PCDHAC2: variants seen among roughly 807,000 people sequenced by gnomAD.
The protein encoded by PCDHAC2 is protocadherin alpha subfamily C, 2.
PCDHAC2 carries 24 observed loss-of-function variants against 63.3 expected under a neutral mutation model. The observed-to-expected ratio is 0.38, with a 90% CI of 0.27 to 0.53. PCDHAC2 has a LOEUF of 0.53. Ranked by LOEUF, PCDHAC2 falls within the 20% of genes least tolerant of loss-of-function variation. PCDHAC2 has a pLI of 0.81. For missense variants in PCDHAC2, 1,181 were observed against 1,275.2 expected (o/e 0.93, Z 1.12); for synonymous variants, 569 against 529.4 (o/e 1.07, Z -1.03).
intron 1 of PCDHAC2, 142 bp from the exon 2 acceptor site, chr5:140,978,807 A>T (rs1489269679): frequency 6.7e-7 from 1 of 1,494,726 alleles, no homozygotes; most frequent in Non-Finnish European, 8.9e-7. Context: ...AGATATCATC[A>T]TAGAGTTACA....
rs371269236 is a variant in PCDHAC2, at chr5:141,009,740, G to A, written c.2827G>A (p.Asp943Asn). Residue 943 changes from aspartate to asparagine, a missense_variant, in exon 4 of 4, where the codon GAC becomes AAC. Asp to Asn is a conservative substitution (Grantham distance 23, BLOSUM62 1). This residue lies in a region of PCDHAC2 where 968 missense variants were observed against 1,073.5 expected (regional missense o/e 0.90). Coordinates refer to ENST00000289269, the MANE Select transcript of PCDHAC2 (RefSeq NM_018899.6). ...PKQSGPGELP[D>N]KFIIPGSPAI... ...ACAATCCGGTCCCGGTGAGTTGCCC[G>A]ACAAATTCATTATCCCAGGATCTCC... The A allele has an allele frequency of 1.8e-4, 293 of 1,613,962 alleles. No individual in the cohort carries two copies. Among genetic ancestry groups the A allele is most frequent in the East Asian group, 1.6e-3 (74 of 44,884 alleles).
Position 140,969,317 on chromosome 5 carries a change from G to C in PCDHAC2, c.2551G>C (p.Val851Leu). The part of the protein sequence containing the change: ...GNLIILKNEA[V>L]SQNEPRQPNP... ...CCTGATTATTCTCAAAAATGAGGCTGTTTCTCAAAATGAGGTGAGACAGTG... is the reference window on the plus strand; with the variant it reads ...CCTGATTATTCTCAAAAATGAGGCTCTTTCTCAAAATGAGGTGAGACAGTG... The change falls in exon 1 of 4, where the codon GTT becomes CTT. Residue 851 changes from valine to leucine, a missense_variant. This residue lies in a region of PCDHAC2 where 968 missense variants were observed against 1,073.5 expected (regional missense o/e 0.90). Coordinates refer to ENST00000289269, the MANE Select transcript of PCDHAC2 (RefSeq NM_018899.6). The C allele has an allele frequency of 6.2e-7, 1 of 1,614,156 alleles. No individual in the cohort carries two copies. Among genetic ancestry groups the C allele is most frequent in the African/African-American group, 1.3e-5 (1 of 75,052 alleles).
Position 140,998,902 on chromosome 5 carries a change from C to T in PCDHAC2, c.2714-10725C>T, listed in dbSNP as rs148715237. On this transcript the variant is annotated intron_variant, in intron 3 of 3. Coordinates refer to ENST00000289269, the MANE Select transcript of PCDHAC2 (RefSeq NM_018899.6). ...TTAGTTGAATAAATAACAATGCCTC[C>T]GGGAGGTAGCTATTATATCCATTTT... Among the ~76,000 whole-genome samples the T allele has an allele frequency of 4.2e-3, 632 of 152,216 alleles. 5 individuals are homozygous for T. Among genetic ancestry groups the T allele is most frequent in the African/African-American group, 0.014 (572 of 41,540 alleles).
rs2098413689 is a variant in PCDHAC2, at chr5:141,009,672, A to G, written c.2759A>G (p.Asn920Ser). Residue 920 changes from asparagine to serine, a missense_variant, in exon 4 of 4, where the codon AAC becomes AGC. Physicochemically the swap from Asn to Ser is conservative, Grantham distance 46. This residue lies in a region of PCDHAC2 where 968 missense variants were observed against 1,073.5 expected (regional missense o/e 0.90). Transcript: ENST00000289269. The stretch of plus-strand genomic sequence containing the variant: ...TCCCCTCCAGTCGGTGCGGGTGTCA[A>G]CAGCAACAGCTGGACCTTTAAATAC... ...EVSPPVGAGV[N>S]SNSWTFKYGP... is the part of the protein sequence containing the mutation. 6.2e-7 allele frequency: 1 copy of G among 1,614,102 alleles called. No homozygotes were observed. The highest frequency in any genetic ancestry group is 1.1e-5 in the South Asian group (1 of 91,070).
At chr5:140,994,561 C>T (rs967006511) in intron 3 of PCDHAC2, among the ~76,000 whole-genome samples, 2 of 151,800 alleles carry the variant, frequency 1.3e-5, no homozygotes, top group East Asian at 1.9e-4. Context: ...AAAAATTAGC[C>T]GGGTGTGGTG....
chr5:140,967,010 C>A lies in PCDHAC2; in HGVS notation c.244C>A (p.Leu82Met), dbSNP rs781936791. 2 of 1,606,340 alleles carry A rather than the reference C, an allele frequency of 1.2e-6. No homozygotes were observed. Among genetic ancestry groups the A allele is most frequent in the Admixed American group, 3.3e-5 (2 of 59,888 alleles). ...LGPGCLRINHLGAPSPRYLEL... is the reference protein window; with the variant it reads ...LGPGCLRINHMGAPSPRYLEL... ...GCCGGGTTGCTTGCGCATCAACCATCTGGGTGCGCCCAGTCCGCGCTACCT... is the reference window on the plus strand; with the variant it reads ...GCCGGGTTGCTTGCGCATCAACCATATGGGTGCGCCCAGTCCGCGCTACCT... Residue 82 changes from leucine (L) to methionine (M), a missense_variant, in exon 1 of 4, where the codon CTG (leucine) becomes ATG (methionine). This residue lies in a region of PCDHAC2 where 210 missense variants were observed against 184.9 expected (regional missense o/e 1.14). Coordinates refer to ENST00000289269, the MANE Select transcript of PCDHAC2 (RefSeq NM_018899.6).
chr5:140,997,711 C>T (rs963457412), intron 3 of PCDHAC2, among the ~76,000 whole-genome samples: 4 of 151,080 alleles, frequency 2.6e-5, no homozygotes. Flanking sequence ...TTAACAAACA[C>T]CTTTCTACGT....
At chr5:140,979,966 A>G (rs1029035910) in intron 2 of PCDHAC2, among the ~76,000 whole-genome samples, 7 of 152,258 alleles carry the variant, frequency 4.6e-5, no homozygotes, top group Non-Finnish European at 7.3e-5. Context: ...TTAGCCCATT[A>G]AAATGCATTA....
In PCDHAC2 at chr5:140,966,930, G is replaced by A. The variant is rs1554228913; in HGVS notation, c.164G>A (p.Gly55Asp). 6.2e-7 allele frequency: 1 copy of A among 1,603,704 alleles called. No homozygotes were observed. The highest frequency in any genetic ancestry group is 1.7e-4 in the Middle Eastern group (1 of 6,042). The change falls in exon 1 of 4, where the codon GGC becomes GAC. Residue 55 changes from glycine (G) to aspartate (D), a missense_variant. Physicochemically the swap from Gly to Asp is moderately conservative, Grantham distance 94. Transcript: ENST00000289269. ...RYSVPEEQAP[G>D]ALVGNVARAL... is the part of the protein sequence containing the mutation. ...TCTGTGCCAGAGGAGCAGGCACCCG[G>A]CGCGCTCGTGGGCAACGTGGCTCGC...
chr5:140,995,543 G>A (rs1243799532), intron 3 of PCDHAC2, among the ~76,000 whole-genome samples: 1 of 152,144 alleles, frequency 6.6e-6, no homozygotes, highest in Non-Finnish European at 1.5e-5. Context: ...AATAAGGGGC[G>A]ATCACTGTAC....
chr5:141,001,694 C>A (rs2098032582), intron 3 of PCDHAC2, among the ~76,000 whole-genome samples: 1 of 151,662 alleles, frequency 6.6e-6, no homozygotes, highest in African/African-American at 2.4e-5. Flanking sequence ...CCACAGATGG[C>A]GAAATAGGGG....
rs371705947 is a variant in PCDHAC2, at chr5:140,967,473, C to T, written c.707C>T (p.Ala236Val). The T allele has an allele frequency of 6.6e-5, 107 of 1,613,362 alleles. No homozygotes were observed. The highest frequency in any genetic ancestry group is 6.6e-4 in the Middle Eastern group (4 of 6,058). The change falls in exon 1 of 4, where the codon GCC (alanine) becomes GTC (valine). Residue 236 changes from alanine (A) to valine (V), a missense_variant. Coordinates refer to ENST00000289269, the MANE Select transcript of PCDHAC2 (RefSeq NM_018899.6). The stretch of plus-strand genomic sequence containing the variant: ...ACAGCCGTGGATGGGGGCATCCCAG[C>T]CCGCTCGGGTACGGCACAGATCTCT... ...VLTAVDGGIPARSGTAQISVR... is the reference protein window; with the variant it reads ...VLTAVDGGIPVRSGTAQISVR...
Position 140,982,613 on chromosome 5 carries a change from A to G in PCDHAC2, c.2713+50A>G, listed in dbSNP as rs201150239. ...CTTTCTTGGTTTCTGGAAAGTGATC[A>G]GATGACCTACTTTTGTAAGATCAGG... On this transcript the variant is annotated intron_variant, in intron 3 of 3. Transcript: ENST00000289269. 2.7e-5 allele frequency: 43 copies of G among 1,599,298 alleles called. No individual in the cohort carries two copies. The Admixed American group carries it at 7.0e-4, about 26-fold the overall frequency.
chr5:140,989,653 T>A (rs1308581336), intron 3 of PCDHAC2, among the ~76,000 whole-genome samples: 2 of 152,194 alleles, frequency 1.3e-5, no homozygotes, highest in African/African-American at 4.8e-5. Context: ...ATGGCAATAT[T>A]TTAAAAGAAA....
At chr5:141,002,020 T>A (rs1380012353) in intron 3 of PCDHAC2, among the ~76,000 whole-genome samples, 4 of 152,166 alleles carry the variant, frequency 2.6e-5, no homozygotes, top group Admixed American at 6.5e-5. Flanking sequence ...TGCACAGCCT[T>A]CGGTGCCCTG....
chr5:140,989,422 TG>T (rs1554250798), intron 3 of PCDHAC2, among the ~76,000 whole-genome samples: 2 of 152,128 alleles, frequency 1.3e-5, no homozygotes, highest in African/African-American at 4.8e-5. Flanking sequence ...CTTCACTCTG[TG>T]GGAAAAATTG....
chr5:140,969,019 G>C lies in PCDHAC2; in HGVS notation c.2253G>C (p.Arg751Ser). 3.1e-6 allele frequency: 5 copies of C among 1,614,164 alleles called. No homozygotes were observed. The South Asian group carries it at 5.5e-5, about 18-fold the overall frequency. The part of the protein sequence containing the change: ...CCGGFCGVRE[R>S]SPAELYKQAN... ...GAGGCTTCTGTGGAGTAAGGGAAAG[G>C]TCCCCTGCAGAACTGTACAAACAAG... The change falls in exon 1 of 4, where the codon AGG (arginine) becomes AGC (serine). Residue 751 changes from arginine (R) to serine (S), a missense_variant. Around this residue, in one of 3 missense-constraint regions of PCDHAC2, gnomAD observed 968 missense variants for 1,073.5 expected, o/e 0.90. Transcript: ENST00000289269.
intron 3 of PCDHAC2, among the ~76,000 whole-genome samples, chr5:141,000,412 TA>T (rs2097919630): frequency 4.9e-5 from 5 of 102,770 alleles, no homozygotes; most frequent in Non-Finnish European, 5.8e-5. Context: ...TATATATATA[TA>T]TATATATATT....
intron 3 of PCDHAC2, among the ~76,000 whole-genome samples, chr5:140,989,708 G>T (rs2097355537): frequency 6.6e-6 from 1 of 152,154 alleles, no homozygotes; most frequent in South Asian, 2.1e-4. Context: ...ATCTTCAGAG[G>T]CAGTCAGCTT....
Sources: allele counts gnomAD v4.1 joint callset (sites outside exome capture counted in the v4.1 genomes callset), GRCh38; gene constraint gnomAD v4.1.1; regional missense constraint gnomAD v4.1.1; transcripts MANE v1.5; gene names NCBI Gene and HGNC (gene_info 2026-07-23, HGNC 2026-07-21).